Variants in AIG1 observed in about 807,000 individuals in gnomAD.
AIG1 encodes androgen induced 1.
Under a neutral mutation model 31.4 loss-of-function variants are expected in AIG1, and 23 were observed. The observed-to-expected ratio is 0.73, with a 90% CI of 0.53 to 1.04. The LOEUF (loss-of-function observed/expected upper bound fraction) is 1.04. AIG1 is among the 50% of genes least tolerant of loss of function. AIG1 has a pLI of 0.00. For missense variants in AIG1, 274 were observed against 295.0 expected, an observed-to-expected ratio of 0.93 and a Z score of 0.52; for synonymous variants, 100 against 110.5, an observed-to-expected ratio of 0.90 and a Z score of 0.60.
chr6:143,197,517 C>T (rs1349621436), intron 3 of AIG1, among the ~76,000 whole-genome samples: 1 of 152,186 alleles, frequency 6.6e-6, no homozygotes, highest in African/African-American at 2.4e-5. Flanking sequence ...GATCCTTATA[C>T]TCATTTCTCT....
At chr6:143,214,579 C>A (rs1430583212) in intron 3 of AIG1, among the ~76,000 whole-genome samples, 3 of 152,178 alleles carry the variant, frequency 2.0e-5, no homozygotes, top group African/African-American at 7.2e-5. Flanking sequence ...TTCCTGCCTT[C>A]CCATGCCATC....
At chr6:143,183,523 C>G (rs780253144) in intron 3 of AIG1, among the ~76,000 whole-genome samples, 4 of 152,132 alleles carry the variant, frequency 2.6e-5, no homozygotes, top group Non-Finnish European at 5.9e-5. Context: ...CAATTTCATG[C>G]CATCACAAAT....
At chr6:143,123,676 C>CTAT (rs1239935394) in intron 1 of AIG1, among the ~76,000 whole-genome samples, 2 of 151,918 alleles carry the variant, frequency 1.3e-5, no homozygotes, top group African/African-American at 4.8e-5. Flanking sequence ...ATTTATTTAT[C>CTAT]TATGGTTGAG....
chr6:143,197,352 A>G (rs1790329074), intron 3 of AIG1, among the ~76,000 whole-genome samples: 2 of 152,210 alleles, frequency 1.3e-5, no homozygotes. Flanking sequence ...GATCTTTATT[A>G]AATTTGTTTC....
intron 3 of AIG1, among the ~76,000 whole-genome samples, chr6:143,169,336 A>G (rs1421268716): frequency 3.3e-5 from 5 of 152,146 alleles, no homozygotes; most frequent in Non-Finnish European, 7.4e-5. Context: ...TGTAATTAAC[A>G]TAGTTACAGG....
chr6:143,117,915 A>G (rs1259268931), intron 1 of AIG1, among the ~76,000 whole-genome samples: 2 of 152,220 alleles, frequency 1.3e-5, no homozygotes, highest in Non-Finnish European at 2.9e-5. Flanking sequence ...TCTTCATGAC[A>G]TGAAAAATTG....
At chr6:143,070,033 A>C (rs922902655) in intron 1 of AIG1, among the ~76,000 whole-genome samples, 1 of 152,154 alleles carries the variant, frequency 6.6e-6, no homozygotes, top group Non-Finnish European at 1.5e-5. Flanking sequence ...TGCTCCACTG[A>C]TGTGTGTGTC....
rs1797838650 is a variant in AIG1, at chr6:143,288,409, C to T, written c.515+4184C>T. Among the ~76,000 whole-genome samples the T allele has an allele frequency of 1.3e-5, 2 of 151,222 alleles. No homozygotes were observed. The highest frequency in any genetic ancestry group is 3.0e-5 in the Non-Finnish European group (2 of 67,726). On this transcript the variant is annotated intron_variant, in intron 4 of 5. Coordinates refer to ENST00000357847, the MANE Select transcript of AIG1 (RefSeq NM_016108.4). The surrounding 1 kb of genome is among the most constrained non-coding windows in gnomAD (Gnocchi z 4.4). ...CGTGCTGATCTCTCAACCCAGGACA[C>T]ATCAAGAGCAAGTAGGCCTTAGTGA... is the stretch of plus-strand genomic sequence containing the variant.
intron 1 of AIG1, among the ~76,000 whole-genome samples, chr6:143,066,133 AGTCT>A (rs1325884476): frequency 1.3e-5 from 2 of 152,338 alleles, no homozygotes; most frequent in Non-Finnish European, 2.9e-5. Flanking sequence ...TCTGAATCAG[AGTCT>A]GCATTTTAAT....
intron 1 of AIG1, among the ~76,000 whole-genome samples, chr6:143,103,878 GT>G (rs142593140): frequency 0.011 from 1,697 of 152,228 alleles, 33 homozygotes; most frequent in African/African-American, 0.038. Context: ...CTTTGAAGAG[GT>G]TTGGTCACTG....
At chr6:143,195,345 G>A (rs995712897) in intron 3 of AIG1, among the ~76,000 whole-genome samples, 11 of 152,164 alleles carry the variant, frequency 7.2e-5, no homozygotes, top group African/African-American at 9.7e-5. Context: ...AACTAGTTTA[G>A]GTTTTACCCT....
chr6:143,311,644 A>ATT (rs1775283929), intron 4 of AIG1, among the ~76,000 whole-genome samples: 2 of 151,892 alleles, frequency 1.3e-5, no homozygotes, highest in Non-Finnish European at 2.9e-5. Flanking sequence ...CTCTCAGAAG[A>ATT]CTATAAATAG....
intron 1 of AIG1, among the ~76,000 whole-genome samples, chr6:143,098,909 C>T (rs1180935664): frequency 6.6e-6 from 1 of 152,186 alleles, no homozygotes; most frequent in Non-Finnish European, 1.5e-5. Context: ...TTGAAAGTTT[C>T]AGTCTATCTG....
intron 1 of AIG1, among the ~76,000 whole-genome samples, chr6:143,108,813 A>G (rs938880530): frequency 6.6e-6 from 1 of 152,184 alleles, no homozygotes; most frequent in Non-Finnish European, 1.5e-5. Context: ...TACAGCTTAC[A>G]GTGTTCTGTT....
Position 143,288,989 on chromosome 6 carries a change from G to A in AIG1, c.515+4764G>A, listed in dbSNP as rs1797875346. Reference sequence around the variant, plus strand: ...TTTAAGTCAGTAGAAAGAAATGCTTGAGTTAAGATAAGGGAGGTTGTGGAG... The same window carrying A: ...TTTAAGTCAGTAGAAAGAAATGCTTAAGTTAAGATAAGGGAGGTTGTGGAG... On this transcript the variant is annotated intron_variant, in intron 4 of 5. Coordinates refer to ENST00000357847, the MANE Select transcript of AIG1 (RefSeq NM_016108.4). This position sits in a 1 kb window ranked among gnomAD's most constrained non-coding sequence, Gnocchi z 4.4. Among the ~76,000 whole-genome samples the A allele has an allele frequency of 6.6e-6, 1 of 152,172 alleles. No homozygotes were observed. The highest frequency in any genetic ancestry group is 2.4e-5 in the African/African-American group (1 of 41,450).
Position 143,334,540 on chromosome 6 carries a change from A to G in AIG1, c.679+1095A>G, listed in dbSNP as rs1329978934. On this transcript the variant is annotated intron_variant, in intron 5 of 5. Coordinates refer to ENST00000357847, the MANE Select transcript of AIG1 (RefSeq NM_016108.4). This position sits in a 1 kb window ranked among gnomAD's most constrained non-coding sequence, Gnocchi z 5.1. ...TCTCATCAGCTTTTGATTTTAATCA[A>G]TGTTCTATTAGAAAAAGTATCAACA... 6.6e-6 allele frequency among the ~76,000 whole-genome samples: 1 copy of G among 152,238 alleles called. No homozygotes were observed. Among genetic ancestry groups the G allele is most frequent in the Non-Finnish European group, 1.5e-5 (1 of 68,040 alleles).
chr6:143,249,128 C>T (rs1794821339), intron 3 of AIG1, among the ~76,000 whole-genome samples: 1 of 152,136 alleles, frequency 6.6e-6, no homozygotes, highest in Admixed American at 6.5e-5. Flanking sequence ...AAATACATTG[C>T]AGTTTTTACA....
At chr6:143,164,657 G>A (rs1248092375) in intron 2 of AIG1, among the ~76,000 whole-genome samples, 1 of 152,174 alleles carries the variant, frequency 6.6e-6, no homozygotes, top group Non-Finnish European at 1.5e-5. Context: ...TAAACCACAT[G>A]ATGGGTTCAA....
chr6:143,241,284 C>G (rs1469659539), intron 3 of AIG1, among the ~76,000 whole-genome samples: 1 of 152,168 alleles, frequency 6.6e-6, no homozygotes, highest in Admixed American at 6.5e-5. Context: ...TATTCCAAAC[C>G]CCTATGTGAA....
Sources: gnomAD v4.1 joint callset for allele counts (sites outside exome capture counted in the v4.1 genomes callset) on GRCh38, gnomAD v4.1.1 for gene constraint, Gnocchi (gnomAD v3.1) non-coding constraint, MANE v1.5 for transcripts, NCBI Gene and HGNC (gene_info 2026-07-23, HGNC 2026-07-21) for gene names.